The following TEX36 variants were observed in gnomAD, a reference collection of about 807,000 sequenced individuals.
The protein encoded by TEX36 is testis-expressed protein 36.
A neutral mutation model predicts 13.6 loss-of-function variants in TEX36; 12 were observed. That is an observed-to-expected ratio of 0.88 (90% confidence interval 0.56 to 1.43). TEX36 has a LOEUF of 1.43. TEX36 is among the 40% of genes most tolerant of loss of function. The pLI is 0.00. For synonymous variants in TEX36, 93 were observed against 83.0 expected, an observed-to-expected ratio of 1.12 and a Z score of -0.65; for missense variants, 224 against 228.3, an observed-to-expected ratio of 0.98 and a Z score of 0.12.
At chr10:125,674,672 GCCCAT>G (rs1351449288) in intron 1 of TEX36, among the ~76,000 whole-genome samples, 1 of 152,172 alleles carries the variant, frequency 6.6e-6, no homozygotes. Context: ...TAACAGTCAG[GCCCAT>G]CTTCCACAGG....
At chr10:125,628,736 A>G (rs1395510039) in intron 3 of TEX36, among the ~76,000 whole-genome samples, 1 of 152,202 alleles carries the variant, frequency 6.6e-6, no homozygotes, top group African/African-American at 2.4e-5. Flanking sequence ...ATTTTTATAG[A>G]GCGAAAAGCT....
At chr10:125,599,828 C>A (rs991896568) in intron 3 of TEX36, among the ~76,000 whole-genome samples, 2 of 152,174 alleles carry the variant, frequency 1.3e-5, no homozygotes. Context: ...CTCAGTTTAC[C>A]CATCCGTAAA....
Position 125,661,966 on chromosome 10 carries a change from G to A in TEX36, c.63C>T (p.Ile21=), listed in dbSNP as rs1258233388. The A allele has an allele frequency of 5.2e-6, 8 of 1,552,354 alleles. No individual in the cohort carries two copies. Among genetic ancestry groups the A allele is most frequent in the Non-Finnish European group, 7.0e-6 (8 of 1,147,136 alleles). The change falls in exon 2 of 4, where the codon ATC becomes ATT. Residue 21 remains isoleucine (I), a synonymous_variant. Transcript: ENST00000368821. ...ATTCTGGTGTCTTTTGCGTTAGCCC[G>A]ATGTGAGGGAACTGGAAGAACAGCA... is the stretch of plus-strand genomic sequence containing the variant. ...SDKDGRWFPH[I]GLTQKTPESI...
chr10:125,673,860 C>T (rs1216256790), intron 1 of TEX36, among the ~76,000 whole-genome samples: 1 of 151,678 alleles, frequency 6.6e-6, no homozygotes, highest in African/African-American at 2.4e-5. Flanking sequence ...AACATTTTTT[C>T]CTTCATTTCC....
chr10:125,618,271 C>G (rs1408579726), downstream of TEX36, among the ~76,000 whole-genome samples: 1 of 152,188 alleles, frequency 6.6e-6, no homozygotes, highest in African/African-American at 2.4e-5. Context: ...TCGTCTGAAG[C>G]CTTCTTCTCT....
At chr10:125,597,145 C>T (rs1450717393) in intron 3 of TEX36, among the ~76,000 whole-genome samples, 4 of 152,194 alleles carry the variant, frequency 2.6e-5, no homozygotes, top group African/African-American at 9.7e-5. Flanking sequence ...CTGCAAAGTG[C>T]TTACACTACC....
chr10:125,675,501 G>A (rs1338367035), intron 1 of TEX36, among the ~76,000 whole-genome samples: 1 of 152,208 alleles, frequency 6.6e-6, no homozygotes, highest in Non-Finnish European at 1.5e-5. Context: ...ACAGCTCTGT[G>A]CTTGGGACCT....
intron 3 of TEX36, among the ~76,000 whole-genome samples, chr10:125,641,120 C>G (rs1004510110): frequency 6.6e-6 from 1 of 152,198 alleles, no homozygotes; most frequent in African/African-American, 2.4e-5. Context: ...GACCACTAAA[C>G]TGCAATGTAG....
intron 3 of TEX36, among the ~76,000 whole-genome samples, chr10:125,583,446 G>A (rs1433135785): frequency 1.3e-5 from 2 of 151,874 alleles, no homozygotes; most frequent in East Asian, 3.9e-4. Context: ...ATAGCAGAAA[G>A]GGTGGAAGAA....
intron 1 of TEX36, among the ~76,000 whole-genome samples, chr10:125,681,107 G>C (rs1187286544): frequency 1.3e-5 from 2 of 152,216 alleles, no homozygotes; most frequent in African/African-American, 4.8e-5. Flanking sequence ...AGACTTAGGT[G>C]ACAGGCGCCT....
downstream of TEX36, among the ~76,000 whole-genome samples, chr10:125,617,086 TATCAGAGACTAGGATTGCAACCCCTG>T (rs1278537188): frequency 6.6e-6 from 1 of 152,184 alleles, no homozygotes; most frequent in Non-Finnish European, 1.5e-5. Context: ...AAGTCTGTTT[TATCAGAGACTAGGATTGCAACCCCTG>T]CCTTTTTTTT....
intron 1 of TEX36, among the ~76,000 whole-genome samples, chr10:125,665,120 G>A (rs889393708): frequency 4.6e-5 from 7 of 152,054 alleles, no homozygotes; most frequent in African/African-American, 1.7e-4. Context: ...AGTTGTTTGA[G>A]TTCCCTGTAT....
downstream of TEX36, among the ~76,000 whole-genome samples, chr10:125,617,602 T>C (rs1238885270): frequency 6.6e-6 from 1 of 152,232 alleles, no homozygotes; most frequent in Non-Finnish European, 1.5e-5. Flanking sequence ...TTTAAGAATG[T>C]TGAATATTGG....
intron 1 of TEX36, among the ~76,000 whole-genome samples, chr10:125,674,141 T>C (rs1022872541): frequency 6.6e-6 from 1 of 152,200 alleles, no homozygotes; most frequent in Non-Finnish European, 1.5e-5. Flanking sequence ...TTCTCTATTC[T>C]TGTCTGCCTG....
At chr10:125,637,624 C>G (rs1846637515) in intron 3 of TEX36, among the ~76,000 whole-genome samples, 1 of 152,110 alleles carries the variant, frequency 6.6e-6, no homozygotes, top group Non-Finnish European at 1.5e-5. Flanking sequence ...CAGCAGTTGT[C>G]AGCCCTGGCT....
intron 3 of TEX36, among the ~76,000 whole-genome samples, chr10:125,640,638 C>T (rs1225384412): frequency 6.6e-6 from 1 of 152,224 alleles, no homozygotes; most frequent in East Asian, 1.9e-4. Context: ...CAACATGGCA[C>T]CAGGATTAGC....
intron 3 of TEX36, among the ~76,000 whole-genome samples, chr10:125,609,924 C>T (rs78118481): frequency 4.1e-4 from 63 of 152,302 alleles, no homozygotes; most frequent in East Asian, 2.5e-3. Context: ...TAAAACAGGA[C>T]GCAGTCAAGA....
intron 3 of TEX36, among the ~76,000 whole-genome samples, chr10:125,637,789 G>T (rs1846638979): frequency 6.6e-6 from 1 of 151,978 alleles, no homozygotes. Flanking sequence ...TCCATCTCAT[G>T]GCACAGTCTC....
At chr10:125,594,588 A>G (rs545989181) in intron 3 of TEX36, among the ~76,000 whole-genome samples, 1 of 152,250 alleles carries the variant, frequency 6.6e-6, no homozygotes, top group South Asian at 2.1e-4. Context: ...TCAAACCTAC[A>G]TTTTTAGAAA....
Sources: gnomAD v4.1 joint callset for allele counts (sites outside exome capture counted in the v4.1 genomes callset) on GRCh38, gnomAD v4.1.1 for gene constraint, MANE v1.5 for transcripts, NCBI Gene and HGNC (gene_info 2026-07-23, HGNC 2026-07-21) for gene names.